Variants in TNIP3 observed in about 807,000 individuals in gnomAD.
TNIP3 encodes TNFAIP3 interacting protein 3, also known as TNFAIP3-interacting protein 3.
TNIP3 carries 34 observed loss-of-function variants against 54.1 expected under a neutral mutation model. That is an observed-to-expected ratio of 0.63 (90% CI 0.48 to 0.84). The LOEUF (loss-of-function observed/expected upper bound fraction) is 0.84. TNIP3 is among the 40% of genes least tolerant of loss of function. TNIP3 has a pLI of 0.00. For synonymous variants in TNIP3, 134 were observed against 136.8 expected, an observed-to-expected ratio of 0.98 and a Z score of 0.14; for missense variants, 366 against 387.6, an observed-to-expected ratio of 0.94 and a Z score of 0.47.
intron 1 of TNIP3, among the ~76,000 whole-genome samples, chr4:121,163,648 T>G (rs1258762471): frequency 6.6e-6 from 1 of 152,190 alleles, no homozygotes; most frequent in Non-Finnish European, 1.5e-5. Context: ...ATATTTGAAT[T>G]CATTCATTCA....
At chr4:121,213,059 T>C (rs186396784) in intron 2 of TNIP3, among the ~76,000 whole-genome samples, 34 of 152,300 alleles carry the variant, frequency 2.2e-4, no homozygotes, top group African/African-American at 8.2e-4. Flanking sequence ...GAAGAGAGTA[T>C]GCTACTCACA....
At chr4:121,217,953 A>G (rs1726870009), upstream of TNIP3, among the ~76,000 whole-genome samples, 1 of 152,152 alleles carries the variant, frequency 6.6e-6, no homozygotes. Context: ...CAGTAGAGGA[A>G]ACAGAACTCC....
intron 3 of TNIP3, among the ~76,000 whole-genome samples, chr4:121,172,527 A>C (rs1724029474): frequency 6.6e-6 from 1 of 152,220 alleles, no homozygotes; most frequent in Admixed American, 6.5e-5. Context: ...TCCACCCCAA[A>C]GTTGCCAGAA....
At chr4:121,161,640 T>C (rs1338513620) in intron 1 of TNIP3, among the ~76,000 whole-genome samples, 1 of 152,144 alleles carries the variant, frequency 6.6e-6, no homozygotes, top group African/African-American at 2.4e-5. Context: ...CCCATGAACA[T>C]GTATGTGAGT....
At chr4:121,209,125 A>T (rs370867882) in intron 2 of TNIP3, among the ~76,000 whole-genome samples, 144 of 152,338 alleles carry the variant, frequency 9.5e-4, no homozygotes, top group African/African-American at 3.3e-3. Flanking sequence ...TGCTGGGAAG[A>T]TGGCAGGTTT....
intron 2 of TNIP3, among the ~76,000 whole-genome samples, chr4:121,209,000 T>C (rs920144065): frequency 1.3e-5 from 2 of 152,224 alleles, no homozygotes; most frequent in African/African-American, 4.8e-5. Flanking sequence ...GGGAGGGAGC[T>C]GGACATTGGG....
chr4:121,154,375 C>T, intron 5 of TNIP3, 176 bp downstream of exon 5: 1 of 771,338 alleles, frequency 1.3e-6, no homozygotes, highest in Non-Finnish European at 2.0e-6. Flanking sequence ...GCCTCCTTAG[C>T]CAAGTATGAC....
At chr4:121,160,426 C>A (rs1730376869) in intron 2 of TNIP3, among the ~76,000 whole-genome samples, 1 of 151,694 alleles carries the variant, frequency 6.6e-6, no homozygotes, top group African/African-American at 2.4e-5. Flanking sequence ...CTGCAGTGAG[C>A]TGAGATCGTG....
At chr4:121,207,843 G>T (rs559769454) in intron 2 of TNIP3, among the ~76,000 whole-genome samples, 2 of 152,158 alleles carry the variant, frequency 1.3e-5, no homozygotes, top group Non-Finnish European at 2.9e-5. Flanking sequence ...GATATGGTTT[G>T]GCTGTGTCCT....
Position 121,151,568 on chromosome 4 carries a change from C to T in TNIP3, c.493-1349G>A, listed in dbSNP as rs1290238836. 2.6e-5 allele frequency among the ~76,000 whole-genome samples: 4 copies of T among 151,838 alleles called. No homozygotes were observed. The East Asian group carries it at 7.7e-4, about 29-fold the overall frequency. On this transcript the variant is annotated intron_variant, in intron 5 of 10. Coordinates refer to ENST00000057513, the MANE Select transcript of TNIP3 (RefSeq NM_024873.6). ...ATGTTTTTTGAGGATTTGTGTTAAG[C>T]TCTAGGAAGTGTCAGAATAGTTCAA...
intron 5 of TNIP3, among the ~76,000 whole-genome samples, chr4:121,153,887 C>T (rs923015495): frequency 1.3e-5 from 2 of 152,120 alleles, no homozygotes; most frequent in African/African-American, 4.8e-5. Context: ...CTAGCGCATT[C>T]CTATGTTCCA....
At chr4:121,146,113 G>C (rs1271609233) in intron 7 of TNIP3, among the ~76,000 whole-genome samples, 1 of 151,338 alleles carries the variant, frequency 6.6e-6, no homozygotes, top group Middle Eastern at 3.2e-3. Context: ...AAAATTATTT[G>C]ATTTTTTACT....
chr4:121,194,289 G>A (rs114959760), intron 2 of TNIP3, among the ~76,000 whole-genome samples: 4 of 151,834 alleles, frequency 2.6e-5, no homozygotes, highest in East Asian at 1.9e-4. Context: ...TTTTGTGCAC[G>A]TCTTAAAAAT....
intron 3 of TNIP3, among the ~76,000 whole-genome samples, chr4:121,176,638 T>C (rs1483030943): frequency 2.1e-5 from 3 of 145,660 alleles, no homozygotes; most frequent in African/African-American, 7.7e-5. Flanking sequence ...ATTGTACAGA[T>C]AAGAAAACAA....
chr4:121,167,276 T>C (rs1440503161), upstream of TNIP3, among the ~76,000 whole-genome samples: 2 of 152,090 alleles, frequency 1.3e-5, no homozygotes, highest in Non-Finnish European at 2.9e-5. Flanking sequence ...AATATATATA[T>C]ATTTGAAAAA....
chr4:121,176,476 A>G (rs542478552), intron 3 of TNIP3, among the ~76,000 whole-genome samples: 52 of 152,156 alleles, frequency 3.4e-4, no homozygotes, highest in Non-Finnish European at 6.0e-4. Flanking sequence ...GAAAACCATT[A>G]AAGAAAATTT....
intron 10 of TNIP3, chr4:121,137,824 G>A: frequency 2.5e-6 from 1 of 396,202 alleles, no homozygotes; most frequent in Non-Finnish European, 5.0e-6. Flanking sequence ...TCAAATCTTT[G>A]GAAATTAACA....
chr4:121,138,060 TA>T (rs1728894919), intron 10 of TNIP3: 4 of 446,040 alleles, frequency 9.0e-6, no homozygotes. Context: ...AAATAAGATT[TA>T]AAAAAGTACT....
intron 5 of TNIP3, among the ~76,000 whole-genome samples, chr4:121,152,169 T>G (rs1729800814): frequency 6.6e-6 from 1 of 152,198 alleles, no homozygotes; most frequent in African/African-American, 2.4e-5. Context: ...GCATTCAGCT[T>G]GTACATAGAG....
Sources: gnomAD v4.1 joint callset for allele counts (sites outside exome capture counted in the v4.1 genomes callset) on GRCh38, gnomAD v4.1.1 for gene constraint, MANE v1.5 for transcripts, NCBI Gene and HGNC (gene_info 2026-07-23, HGNC 2026-07-21) for gene names.